GDA: variants seen among roughly 807,000 people sequenced by gnomAD.
GDA encodes guanine deaminase.
GDA carries 18 observed loss-of-function variants against 59.6 expected under a neutral mutation model. That is an observed-to-expected ratio of 0.30 (90% confidence interval 0.21 to 0.45). GDA has a LOEUF of 0.45. GDA is among the 20% of genes least tolerant of loss of function. The pLI is 1.00. For missense variants in GDA, 427 were observed against 552.3 expected, an observed-to-expected ratio of 0.77 and a Z score of 2.27; for synonymous variants, 201 against 201.1, an observed-to-expected ratio of 1.00 and a Z score of 0.00.
At chr9:72,154,200 G>A (rs1827611889) in intron 1 of GDA, among the ~76,000 whole-genome samples, 1 of 152,104 alleles carries the variant, frequency 6.6e-6, no homozygotes, top group Non-Finnish European at 1.5e-5. Flanking sequence ...CAAGTCCAAT[G>A]GAGGAATAGA....
At chr9:72,154,942 G>A (rs1222719698) in intron 1 of GDA, among the ~76,000 whole-genome samples, 2 of 152,170 alleles carry the variant, frequency 1.3e-5, no homozygotes, top group Non-Finnish European at 2.9e-5. Context: ...TGCAAATACT[G>A]CCCTGCCCTC....
intron 1 of GDA, among the ~76,000 whole-genome samples, chr9:72,122,634 TACACACACAC>T (rs112045510): frequency 4.1e-5 from 6 of 147,494 alleles, no homozygotes; most frequent in South Asian, 2.2e-4. Flanking sequence ...TGTATACATT[TACACACACAC>T]ACACACACAC....
intron 2 of GDA, among the ~76,000 whole-genome samples, chr9:72,199,112 C>A (rs1038535289): frequency 6.6e-6 from 1 of 152,032 alleles, no homozygotes; most frequent in East Asian, 1.9e-4. Context: ...GAGTGGAGAA[C>A]CGAGTTTGAA....
At chr9:72,184,244 G>A (rs1416060812) in intron 1 of GDA, among the ~76,000 whole-genome samples, 1 of 151,960 alleles carries the variant, frequency 6.6e-6, no homozygotes, top group African/African-American at 2.4e-5. Context: ...TTTATACTAG[G>A]GCTCACTCTT....
chr9:72,234,367 A>C (rs760110570), intron 10 of GDA, among the ~76,000 whole-genome samples: 1 of 152,246 alleles, frequency 6.6e-6, no homozygotes, highest in African/African-American at 2.4e-5. Context: ...AATTGTTAAC[A>C]TTCTCCAAAC....
chr9:72,132,871 G>T (rs10869127), intron 1 of GDA, among the ~76,000 whole-genome samples: 23,869 of 152,114 alleles, frequency 0.16, 2,468 homozygotes, highest in East Asian at 0.51. Context: ...ATTTGCACTT[G>T]ACTATGAGAT....
At chr9:72,168,222 T>C (rs903772198) in intron 1 of GDA, among the ~76,000 whole-genome samples, 2 of 151,724 alleles carry the variant, frequency 1.3e-5, no homozygotes, top group African/African-American at 4.8e-5. Flanking sequence ...CACAGGGAGA[T>C]CCCTCTGTAC....
chr9:72,118,452 G>A (rs1233355950), intron 1 of GDA, among the ~76,000 whole-genome samples: 5 of 151,834 alleles, frequency 3.3e-5, no homozygotes, highest in Admixed American at 6.6e-5. Flanking sequence ...AAAGGCAAGC[G>A]AACTCTAAAG....
chr9:72,150,121 G>A (rs1827000787), intron 1 of GDA, among the ~76,000 whole-genome samples: 1 of 152,212 alleles, frequency 6.6e-6, no homozygotes, highest in African/African-American at 2.4e-5. Context: ...AATAAGAGGA[G>A]GGGGTCATTT....
At chr9:72,161,654 G>A (rs936769264) in intron 1 of GDA, among the ~76,000 whole-genome samples, 5 of 152,150 alleles carry the variant, frequency 3.3e-5, no homozygotes, top group Admixed American at 6.5e-5. Context: ...TTGTATTATG[G>A]TTTATTAAGT....
At chr9:72,237,233 GC>G (rs1266381663) in intron 10 of GDA, among the ~76,000 whole-genome samples, 1 of 152,054 alleles carries the variant, frequency 6.6e-6, no homozygotes, top group Non-Finnish European at 1.5e-5. Context: ...CTGGATTCTT[GC>G]CCCACCCTCC....
At position 72,115,837 on chromosome 9, in the gene GDA, G is replaced by C. The variant is rs573263418; in HGVS notation, c.-100+1004G>C. On this transcript the variant is annotated intron_variant, in intron 1 of 13. Coordinates refer to the GDA transcript ENST00000545168. ...AATCATAACTCAACAAGGTTGAGCTGCTGAAAAAGGGGGAGATGCAAATGA... is the reference window on the plus strand; with the variant it reads ...AATCATAACTCAACAAGGTTGAGCTCCTGAAAAAGGGGGAGATGCAAATGA... Among the ~76,000 whole-genome samples, 13 of 152,318 alleles carry C rather than the reference G, an allele frequency of 8.5e-5. No homozygotes were observed. The East Asian group carries it at 2.1e-3, about 25-fold the overall frequency.
At chr9:72,117,285 A>C (rs1028383011) in intron 1 of GDA, among the ~76,000 whole-genome samples, 4 of 152,182 alleles carry the variant, frequency 2.6e-5, no homozygotes, top group African/African-American at 9.7e-5. Flanking sequence ...AAAGAAAATA[A>C]GACAGAATAT....
chr9:72,247,245 T>C (rs538376832), intron 12 of GDA, among the ~76,000 whole-genome samples, 161 bp from the exon 13 acceptor site: 22 of 152,346 alleles, frequency 1.4e-4, no homozygotes, highest in African/African-American at 5.3e-4. Context: ...TGGGAGGTTT[T>C]TATAAAGCAC....
intron 1 of GDA, among the ~76,000 whole-genome samples, chr9:72,126,078 G>A (rs942703744): frequency 1.3e-5 from 2 of 151,924 alleles, no homozygotes; most frequent in Admixed American, 6.6e-5. Context: ...CACTACACCC[G>A]GCTAATTTTT....
In GDA at chr9:72,223,240, C is replaced by A; in HGVS notation, c.714+13C>A. On this transcript the variant is annotated intron_variant, in intron 7 of 13. Transcript: ENST00000358399. ...TTTGCACATTCAGGTGGGTATTCTT[C>A]TTCTCTTTATGCCTCTATGCAGACC... The A allele has an allele frequency of 4.8e-6, 7 of 1,458,060 alleles. No individual in the cohort carries two copies. Among genetic ancestry groups the A allele is most frequent in the Non-Finnish European group, 6.7e-6 (7 of 1,037,986 alleles). 90.3% of individuals were successfully genotyped at this position (1,458,060 alleles called of 1,614,324 possible).
At chr9:72,197,247 C>G (rs1160537832) in intron 2 of GDA, among the ~76,000 whole-genome samples, 1 of 152,184 alleles carries the variant, frequency 6.6e-6, no homozygotes, top group Non-Finnish European at 1.5e-5. Flanking sequence ...TATAATGTTT[C>G]ACTCCACCTG....
At chr9:72,114,831 G>A (rs1288296379) in exon 1 of GDA, 1 of 152,350 alleles carries the variant, frequency 6.6e-6, no homozygotes, top group Non-Finnish European at 1.5e-5. Context: ...GGTTCCACCA[G>A]AGGTGAGGAC....
At chr9:72,213,163 G>A (rs768510826) in intron 4 of GDA, among the ~76,000 whole-genome samples, 3 of 152,090 alleles carry the variant, frequency 2.0e-5, no homozygotes, top group African/African-American at 4.8e-5. Context: ...AGCTACTCAG[G>A]AGGCTGAAGC....
Sources: allele counts gnomAD v4.1 joint callset (sites outside exome capture counted in the v4.1 genomes callset), GRCh38; gene constraint gnomAD v4.1.1; transcripts MANE v1.5; gene names NCBI Gene and HGNC (gene_info 2026-07-23, HGNC 2026-07-21).